NAV3: variants seen among roughly 807,000 people sequenced by gnomAD.
NAV3 encodes the protein pore membrane and/or filament interacting like protein 1.
NAV3 carries 87 observed loss-of-function variants against 244.7 expected under a neutral mutation model. The ratio of observed to expected loss-of-function variants is 0.36; its 90% confidence interval spans 0.30 to 0.42. The LOEUF (loss-of-function observed/expected upper bound fraction) is 0.42, where lower values mean the gene tolerates loss of function less well. Among genes scored for constraint, NAV3 ranks in the 20% least tolerant of loss-of-function variants. NAV3 has a pLI of 1.00. For synonymous variants in NAV3, 1,126 were observed against 1,042.2 expected (o/e 1.08, Z -1.55); for missense variants, 2,663 against 2,893.3 (o/e 0.92, Z 1.83).
chr12:77,864,358 G>T (rs561569111), intron 1 of NAV3, among the ~76,000 whole-genome samples: 1 of 151,966 alleles, frequency 6.6e-6, no homozygotes, highest in African/African-American at 2.4e-5. Context: ...GGCTTTGGGT[G>T]CATTTCATGT....
At chr12:77,984,950 G>A (rs1427226668) in intron 5 of NAV3, among the ~76,000 whole-genome samples, 2 of 152,022 alleles carry the variant, frequency 1.3e-5, no homozygotes, top group Admixed American at 1.3e-4. Context: ...CCAAGTAGCT[G>A]GGATTACTGG....
chr12:78,053,336 C>T (rs1883040408), intron 11 of NAV3, among the ~76,000 whole-genome samples: 1 of 151,916 alleles, frequency 6.6e-6, no homozygotes, highest in Admixed American at 6.6e-5. Context: ...TATGAAGTCA[C>T]CACAAACACT....
intron 3 of NAV3, among the ~76,000 whole-genome samples, chr12:77,961,058 C>T (rs1891893872): frequency 7.1e-6 from 1 of 141,322 alleles, no homozygotes; most frequent in South Asian, 2.3e-4. Context: ...GTATATGTTG[C>T]ATGTATACGC....
rs1394887511 is a variant in NAV3, at chr12:78,079,051, A to C, written c.2636+19936A>C. ...TAACATCCTCCTATGTCCTAGCAGC[A>C]CTCAGAATTGACTCCAAAATAAAAC... On this transcript the variant is annotated intron_variant, in intron 12 of 39. Transcript: ENST00000397909. Among the ~76,000 whole-genome samples, 3 of 152,180 alleles carry C rather than the reference A, an allele frequency of 2.0e-5. No homozygotes were observed. In the East Asian group the frequency reaches 5.8e-4, roughly 29 times the overall value.
chr12:77,572,773 T>C (rs1043075628), intron 2 of NAV3, among the ~76,000 whole-genome samples: 5 of 152,256 alleles, frequency 3.3e-5, no homozygotes, highest in African/African-American at 1.2e-4. Context: ...GAGCTTTGTT[T>C]TGATTCTACA....
chr12:78,142,657 GTATGTATATATATACATATA>G (rs2139110048), intron 20 of NAV3, among the ~76,000 whole-genome samples: 3 of 131,662 alleles, frequency 2.3e-5, no homozygotes, highest in Non-Finnish European at 3.2e-5. Flanking sequence ...TTAAAATAGA[GTATGTATATATATACATATA>G]TATGTGTATA....
At chr12:77,974,407 T>C (rs1175394632) in intron 5 of NAV3, among the ~76,000 whole-genome samples, 1 of 151,510 alleles carries the variant, frequency 6.6e-6, no homozygotes, top group Admixed American at 6.6e-5. Flanking sequence ...TCAGCCTCCC[T>C]AGTAGCTGGG....
chr12:77,866,274 A>G (rs1880008826), intron 1 of NAV3, among the ~76,000 whole-genome samples: 1 of 152,240 alleles, frequency 6.6e-6, no homozygotes, highest in South Asian at 2.1e-4. Context: ...AAGAATTGAA[A>G]GTGAATACAT....
At chr12:78,088,688 C>G (rs937680171) in intron 12 of NAV3, 1 of 152,148 alleles carries the variant, frequency 6.6e-6, no homozygotes, top group Non-Finnish European at 1.5e-5. Flanking sequence ...CACAGCAGCT[C>G]TCTAAGTCTT....
chr12:77,993,728 G>A (rs1871839678), intron 5 of NAV3, among the ~76,000 whole-genome samples: 1 of 152,146 alleles, frequency 6.6e-6, no homozygotes, highest in Non-Finnish European at 1.5e-5. Flanking sequence ...CTGCTTGGCA[G>A]AGAAGCAATT....
chr12:77,940,304 C>T lies in NAV3; in HGVS notation c.244-15C>T, dbSNP rs201018231. ...CCTCACCCCATCTCACTTTTTCCTT[C>T]TCTCTGTTCAACAGATTTACACTGA... On this transcript the variant is annotated splice_polypyrimidine_tract_variant and intron_variant, in intron 1 of 39. Transcript: ENST00000397909. The T allele has an allele frequency of 1.5e-3, 2,427 of 1,594,112 alleles. 3 individuals carry two copies. Among genetic ancestry groups the T allele is most frequent in the Non-Finnish European group, 1.9e-3 (2,257 of 1,168,090 alleles).
chr12:77,918,741 A>G (rs904007749), intron 1 of NAV3, among the ~76,000 whole-genome samples: 14 of 151,994 alleles, frequency 9.2e-5, no homozygotes, highest in Non-Finnish European at 1.8e-4. Flanking sequence ...ATCCAGTAGG[A>G]TATCTCAGGT....
chr12:77,641,267 T>C (rs1490762282), intron 2 of NAV3, among the ~76,000 whole-genome samples: 2 of 152,012 alleles, frequency 1.3e-5, no homozygotes, highest in Non-Finnish European at 2.9e-5. Flanking sequence ...TTGTCCTATG[T>C]TGGTGGGGAG....
At chr12:77,700,724 T>A (rs75923811) in intron 2 of NAV3, among the ~76,000 whole-genome samples, 5,587 of 152,066 alleles carry the variant, frequency 0.037, 343 homozygotes, top group African/African-American at 0.13. Flanking sequence ...AGGAAATTCC[T>A]TTCTGTTCTT....
chr12:77,657,106 C>G (rs924486681), intron 2 of NAV3, among the ~76,000 whole-genome samples: 1 of 152,122 alleles, frequency 6.6e-6, no homozygotes, highest in Non-Finnish European at 1.5e-5. Flanking sequence ...TAACTAAAAT[C>G]AGAGCAGAAC....
chr12:78,163,969 C>T (rs980529541), intron 23 of NAV3, among the ~76,000 whole-genome samples: 5 of 152,024 alleles, frequency 3.3e-5, no homozygotes, highest in African/African-American at 1.2e-4. Context: ...ATGTACCACT[C>T]TTGTCAGAAT....
At chr12:78,172,773 G>A (rs78197866) in intron 24 of NAV3, among the ~76,000 whole-genome samples, 2,901 of 151,526 alleles carry the variant, frequency 0.019, 94 homozygotes, top group African/African-American at 0.067. Flanking sequence ...AGAAGAACAC[G>A]GTTGATGAGT....
At chr12:78,160,331 T>G (rs1472904948) in intron 23 of NAV3, among the ~76,000 whole-genome samples, 2 of 151,632 alleles carry the variant, frequency 1.3e-5, no homozygotes, top group Non-Finnish European at 2.9e-5. Flanking sequence ...GGCCTTAACT[T>G]CCTTGGATAG....
intron 2 of NAV3, among the ~76,000 whole-genome samples, chr12:77,698,801 A>G (rs1278664575): frequency 6.6e-6 from 1 of 152,152 alleles, no homozygotes. Flanking sequence ...AAGCCCTAAC[A>G]GCTGGAATTT....
Sources: gnomAD v4.1 joint callset for allele counts (sites outside exome capture counted in the v4.1 genomes callset) on GRCh38, gnomAD v4.1.1 for gene constraint, MANE v1.5 for transcripts, NCBI Gene and HGNC (gene_info 2026-07-23, HGNC 2026-07-21) for gene names.